Variants in ESR1 observed in about 807,000 individuals in gnomAD.
ESR1 encodes estrogen receptor 1, also known as estrogen receptor.
ESR1 carries 12 observed loss-of-function variants against 52.7 expected under a neutral mutation model. That is an observed-to-expected ratio of 0.23 (90% CI 0.15 to 0.37). The LOEUF is 0.37. Ranked by LOEUF, ESR1 falls within the 10% of genes least tolerant of loss-of-function variation. The probability of loss-of-function intolerance (pLI) is 1.00; values close to 1 mark genes in which losing one functional copy is unlikely to be tolerated. For synonymous variants in ESR1, 305 were observed against 316.8 expected, an observed-to-expected ratio of 0.96 and a Z score of 0.39; for missense variants, 584 against 779.7, an observed-to-expected ratio of 0.75 and a Z score of 2.99.
chr6:152,013,624 A>T (rs1002584443), intron 5 of ESR1, among the ~76,000 whole-genome samples: 1 of 152,090 alleles, frequency 6.6e-6, no homozygotes, highest in African/African-American at 2.4e-5. Context: ...TTTTGACATT[A>T]CTGCACCCAA....
intron 4 of ESR1, among the ~76,000 whole-genome samples, chr6:152,011,053 C>T (rs985181641): frequency 4.6e-5 from 7 of 152,138 alleles, no homozygotes; most frequent in African/African-American, 1.7e-4. Context: ...AAAACAAGAA[C>T]ACATTTTGGT....
At chr6:151,698,369 T>C (rs531499608) in intron 1 of ESR1, among the ~76,000 whole-genome samples, 1 of 149,730 alleles carries the variant, frequency 6.7e-6, no homozygotes, top group East Asian at 2.0e-4. Context: ...CAAGATCTTG[T>C]CTTAAAAAAA....
chr6:151,725,528 G>T (rs931857516), intron 2 of ESR1, among the ~76,000 whole-genome samples: 1 of 152,160 alleles, frequency 6.6e-6, no homozygotes, highest in Non-Finnish European at 1.5e-5. Flanking sequence ...AATTGGTGAG[G>T]CTCCCAGGAT....
At chr6:152,075,310 A>G (rs2048654008) in intron 6 of ESR1, among the ~76,000 whole-genome samples, 1 of 152,344 alleles carries the variant, frequency 6.6e-6, no homozygotes, top group African/African-American at 2.4e-5. Context: ...TGTTTTAAAG[A>G]CCACTGAACT....
upstream of ESR1, among the ~76,000 whole-genome samples, chr6:151,802,497 G>A (rs556372919): frequency 1.9e-4 from 29 of 152,274 alleles, no homozygotes; most frequent in East Asian, 5.4e-3. Flanking sequence ...TTTTGTAAAT[G>A]TAAAATGCTT....
At chr6:151,692,579 C>A (rs1562333396) in intron 1 of ESR1, among the ~76,000 whole-genome samples, 1 of 152,212 alleles carries the variant, frequency 6.6e-6, no homozygotes, top group Non-Finnish European at 1.5e-5. Context: ...TGTCCATCCA[C>A]CTCTATCAGG....
At chr6:151,812,913 T>C (rs530233405) in intron 1 of ESR1, among the ~76,000 whole-genome samples, 2 of 152,174 alleles carry the variant, frequency 1.3e-5, no homozygotes, top group African/African-American at 4.8e-5. Context: ...ACCAAAGTTA[T>C]TGAGGGGTTT....
chr6:151,764,874 C>T (rs916848111), intron 2 of ESR1, among the ~76,000 whole-genome samples: 1 of 152,178 alleles, frequency 6.6e-6, no homozygotes, highest in Non-Finnish European at 1.5e-5. Flanking sequence ...AAGCACTAAA[C>T]AGCTAAACAT....
chr6:151,779,679 T>C (rs184218254), intron 2 of ESR1, among the ~76,000 whole-genome samples: 130 of 152,122 alleles, frequency 8.5e-4, no homozygotes, highest in African/African-American at 2.9e-3. Flanking sequence ...ACTGGGTATA[T>C]ACCCAAAGGA....
intron 5 of ESR1, among the ~76,000 whole-genome samples, chr6:152,028,804 C>T (rs1046135961): frequency 2.0e-5 from 3 of 152,212 alleles, no homozygotes; most frequent in Non-Finnish European, 4.4e-5. Flanking sequence ...TAGTGGTTCT[C>T]CCAGCATGCA....
At chr6:151,872,947 C>T (rs986917109) in intron 2 of ESR1, among the ~76,000 whole-genome samples, 2 of 152,104 alleles carry the variant, frequency 1.3e-5, no homozygotes, top group Admixed American at 6.6e-5. Context: ...TTGGTGTGGT[C>T]TTAGTAAGTA....
intron 1 of ESR1, among the ~76,000 whole-genome samples, chr6:151,673,582 T>C (rs1351220908): frequency 6.6e-6 from 1 of 152,120 alleles, no homozygotes; most frequent in African/African-American, 2.4e-5. Context: ...CAATATAATC[T>C]ATAAAAAATT....
intron 1 of ESR1, among the ~76,000 whole-genome samples, chr6:151,692,233 A>G (rs1197924205): frequency 6.6e-6 from 1 of 152,218 alleles, no homozygotes; most frequent in African/African-American, 2.4e-5. Context: ...GCTAGCTACC[A>G]TCTACCTTCC....
chr6:151,835,800 AT>A (rs11339911), intron 1 of ESR1, among the ~76,000 whole-genome samples: 88,839 of 151,054 alleles, frequency 0.59, 27,404 homozygotes, highest in East Asian at 0.79. Context: ...TATAATGATG[AT>A]TTTTTTTTTT....
intron 3 of ESR1, among the ~76,000 whole-genome samples, chr6:151,941,650 A>G (rs919070605): frequency 7.2e-5 from 11 of 151,960 alleles, no homozygotes; most frequent in Non-Finnish European, 1.6e-4. Context: ...ATGCTTTCTG[A>G]ATAATGGAAT....
At chr6:151,968,135 A>G (rs944814082) in intron 4 of ESR1, among the ~76,000 whole-genome samples, 1 of 152,132 alleles carries the variant, frequency 6.6e-6, no homozygotes. Context: ...CAACCATCTG[A>G]TCTTTGACAA....
At chr6:152,006,946 A>G (rs140287979) in intron 4 of ESR1, among the ~76,000 whole-genome samples, 23 of 152,166 alleles carry the variant, frequency 1.5e-4, no homozygotes, top group Non-Finnish European at 2.6e-4. Flanking sequence ...TCTGCTTTGA[A>G]TCTTCATAGA....
intron 4 of ESR1, among the ~76,000 whole-genome samples, chr6:151,981,448 T>G (rs1374237588): frequency 6.6e-6 from 1 of 152,184 alleles, no homozygotes; most frequent in Non-Finnish European, 1.5e-5. Context: ...TTAGAGTAAA[T>G]GACAATAAAG....
intron 6 of ESR1, among the ~76,000 whole-genome samples, chr6:152,072,463 T>C (rs975028217): frequency 3.9e-5 from 6 of 152,238 alleles, no homozygotes; most frequent in Non-Finnish European, 7.3e-5. Flanking sequence ...CTTTGTTTGC[T>C]TTGTGTGATT....
Sources: allele counts gnomAD v4.1 joint callset (sites outside exome capture counted in the v4.1 genomes callset), GRCh38; gene constraint gnomAD v4.1.1; transcripts MANE v1.5; gene names NCBI Gene and HGNC (gene_info 2026-07-23, HGNC 2026-07-21).